Variants in MTSS1 observed in about 807,000 individuals in gnomAD.
MTSS1 encodes MTSS I-BAR domain containing 1, also known as protein MTSS 1.
MTSS1 carries 18 observed loss-of-function variants against 79.0 expected under a neutral mutation model. That is an observed-to-expected ratio of 0.23 (90% CI 0.16 to 0.34). The LOEUF is 0.34. MTSS1 is among the 10% of genes least tolerant of loss of function. The pLI, the probability that MTSS1 is intolerant of heterozygous loss-of-function variation, is 1.00. For synonymous variants in MTSS1, 341 were observed against 368.6 expected (o/e 0.93, Z 0.86); for missense variants, 815 against 986.2 (o/e 0.83, Z 2.33).
chr8:124,596,877 C>T (rs1195828141), intron 3 of MTSS1, among the ~76,000 whole-genome samples: 2 of 152,054 alleles, frequency 1.3e-5, no homozygotes, highest in East Asian at 3.9e-4. Flanking sequence ...GAAGGCATTC[C>T]TGTGTGTGTG....
chr8:124,563,052 G>T (rs1160140671), intron 9 of MTSS1, 60 bp from the exon 10 acceptor site: 6 of 1,430,790 alleles, frequency 4.2e-6, no homozygotes, highest in Non-Finnish European at 5.7e-6. Flanking sequence ...GGGAGCAGTG[G>T]TAAGAGGAAG....
intron 3 of MTSS1, among the ~76,000 whole-genome samples, chr8:124,688,363 C>T (rs146485462): frequency 8.8e-5 from 13 of 147,634 alleles, no homozygotes; most frequent in African/African-American, 2.5e-4. Flanking sequence ...GTGTGTTGTA[C>T]GTGTGTACAT....
intron 5 of MTSS1, among the ~76,000 whole-genome samples, chr8:124,587,736 C>T (rs1831122282): frequency 6.6e-6 from 1 of 152,094 alleles, no homozygotes; most frequent in Admixed American, 6.5e-5. Flanking sequence ...AACTCCTGAC[C>T]TCAAGTGATC....
rs1246276140 is a variant in MTSS1, at chr8:124,683,280, G to GA, written c.208+16245dup. 6.6e-6 allele frequency among the ~76,000 whole-genome samples: 1 copy of GA among 151,934 alleles called. No individual in the cohort carries two copies. Among genetic ancestry groups the GA allele is most frequent in the Non-Finnish European group, 1.5e-5 (1 of 67,982 alleles). On this transcript the variant is annotated intron_variant, in intron 3 of 13. Coordinates refer to ENST00000518547, the MANE Select transcript of MTSS1 (RefSeq NM_014751.6). The surrounding 1 kb of genome is among the most constrained non-coding windows in gnomAD (Gnocchi z 4.5). ...AAAAAATGAAATTTAAAAAATGGAAGAAAAACAATGACCCCAAAATCCTCA... is the reference window on the plus strand; with the variant it reads ...AAAAAATGAAATTTAAAAAATGGAAGAAAAAACAATGACCCCAAAATCCTCA...
At chr8:124,689,238 T>C (rs1335357051) in intron 3 of MTSS1, among the ~76,000 whole-genome samples, 20 of 152,212 alleles carry the variant, frequency 1.3e-4, no homozygotes, top group Admixed American at 1.3e-3. Context: ...GCGTGTTTTC[T>C]AGCTGAGACT....
At chr8:124,688,651 A>G (rs1366457070) in intron 3 of MTSS1, among the ~76,000 whole-genome samples, 2 of 152,220 alleles carry the variant, frequency 1.3e-5, no homozygotes, top group East Asian at 3.8e-4. Flanking sequence ...TTATTAACAA[A>G]CAAGCAAACC....
intron 6 of MTSS1, among the ~76,000 whole-genome samples, chr8:124,575,255 A>T (rs1173580970): frequency 6.6e-6 from 1 of 152,204 alleles, no homozygotes; most frequent in Non-Finnish European, 1.5e-5. Flanking sequence ...ACCCGAAATC[A>T]AAAGATAGAT....
intron 3 of MTSS1, among the ~76,000 whole-genome samples, chr8:124,601,740 T>C (rs2133011226): frequency 6.6e-6 from 1 of 152,324 alleles, no homozygotes; most frequent in South Asian, 2.1e-4. Context: ...GTACACCATC[T>C]GCTGCCCCGG....
intron 3 of MTSS1, among the ~76,000 whole-genome samples, chr8:124,691,458 A>C (rs1218369298): frequency 6.6e-6 from 1 of 152,236 alleles, no homozygotes; most frequent in Non-Finnish European, 1.5e-5. Context: ...ATGGATACAC[A>C]TACGTACATA....
At chr8:124,711,742 C>T (rs1831195953) in intron 1 of MTSS1, among the ~76,000 whole-genome samples, 1 of 152,170 alleles carries the variant, frequency 6.6e-6, no homozygotes, top group Admixed American at 6.5e-5. Flanking sequence ...CGCAGTGCCT[C>T]ACTCCTATAA....
rs569304423 is a variant in MTSS1 at position 124,597,858 on chromosome 8, A to G, written c.209-6623T>C. On this transcript the variant is annotated intron_variant, in intron 3 of 13. Coordinates refer to ENST00000518547, the MANE Select transcript of MTSS1 (RefSeq NM_014751.6). The surrounding 1 kb of genome is among the most constrained non-coding windows in gnomAD (Gnocchi z 4.6). ...TAGGAGCCAGACAGAACCAGAGGAG[A>G]GGAGAACGCTCTCAGGCATCTCTGC... is the stretch of plus-strand genomic sequence containing the variant. Among the ~76,000 whole-genome samples the G allele has an allele frequency of 1.1e-3, 175 of 152,276 alleles. No individual in the cohort carries two copies. Among genetic ancestry groups the G allele is most frequent in the African/African-American group, 4.1e-3 (170 of 41,562 alleles).
At position 124,553,427 on chromosome 8, in the gene MTSS1, G is replaced by T; in HGVS notation, c.1833C>A (p.Ile611=). 1 of 1,607,056 alleles carries T rather than the reference G, an allele frequency of 6.2e-7. No homozygotes were observed. The highest frequency in any genetic ancestry group is 8.5e-7 in the Non-Finnish European group (1 of 1,175,210). ...RGTIGAGPIP[I]KTPVIPVKTP... is the part of the protein sequence containing the mutation. ...TCTTGACAGGGATCACGGGTGTCTT[G>T]ATGGGGATGGGACCAGCTCCAATGG... The change falls in exon 14 of 14, where the codon ATC becomes ATA. Residue 611 remains isoleucine, a synonymous_variant. Coordinates refer to ENST00000518547, the MANE Select transcript of MTSS1 (RefSeq NM_014751.6). The surrounding 1 kb of genome is among the most constrained non-coding windows in gnomAD (Gnocchi z 6.0).
In MTSS1 at chr8:124,683,540, C is replaced by T. The variant is rs1175332552; in HGVS notation, c.208+15986G>A. Among the ~76,000 whole-genome samples the T allele has an allele frequency of 6.6e-6, 1 of 152,212 alleles. No homozygotes were observed. Among genetic ancestry groups the T allele is most frequent in the Non-Finnish European group, 1.5e-5 (1 of 68,040 alleles). Reference sequence around the variant, plus strand: ...ACAGGTGTCTCTCCAGACTAGAAAACCTCAACTGGAGGCCAGAGGTGGGAC... The same window carrying T: ...ACAGGTGTCTCTCCAGACTAGAAAATCTCAACTGGAGGCCAGAGGTGGGAC... On this transcript the variant is annotated intron_variant, in intron 3 of 13. Transcript: ENST00000518547. The surrounding 1 kb of genome is among the most constrained non-coding windows in gnomAD (Gnocchi z 4.5).
rs1004304571 is a variant in MTSS1, at chr8:124,727,723, G to C, written c.72+161C>G. ...GTGACCCCGCAGAGCCCGGAGCAGCGCCCCGGGTGAGCAGGTGACACTCCG... is the reference window on the plus strand; with the variant it reads ...GTGACCCCGCAGAGCCCGGAGCAGCCCCCCGGGTGAGCAGGTGACACTCCG... On this transcript the variant is annotated intron_variant, in intron 1 of 13. Coordinates refer to ENST00000518547, the MANE Select transcript of MTSS1 (RefSeq NM_014751.6). The surrounding 1 kb of genome is among the most constrained non-coding windows in gnomAD (Gnocchi z 4.7). The C allele has an allele frequency of 3.5e-5, 24 of 684,312 alleles. 1 individual carries two copies. In the East Asian group the frequency reaches 7.1e-4, roughly 20 times the overall value. The allele number at this position is 684,312 out of a possible 1,614,324, so 42.4% of individuals were successfully genotyped here.
At chr8:124,568,090 G>T in intron 7 of MTSS1, 1 of 766,388 alleles carries the variant, frequency 1.3e-6, no homozygotes, top group South Asian at 2.7e-5. Flanking sequence ...TTTCTAGCCA[G>T]TTCCCACGTG....
At chr8:124,647,378 G>A (rs1292441448) in intron 3 of MTSS1, among the ~76,000 whole-genome samples, 1 of 152,062 alleles carries the variant, frequency 6.6e-6, no homozygotes, top group African/African-American at 2.4e-5. Context: ...AAATTGTTAT[G>A]TGTTAACAGT....
intron 3 of MTSS1, among the ~76,000 whole-genome samples, chr8:124,672,513 G>A (rs1455179350): frequency 6.6e-6 from 1 of 151,534 alleles, no homozygotes; most frequent in African/African-American, 2.4e-5. Context: ...AAAGAAAAAT[G>A]GGAAGGAAAG....
intron 3 of MTSS1, among the ~76,000 whole-genome samples, chr8:124,695,428 T>TA (rs1216231417): frequency 6.6e-6 from 1 of 152,174 alleles, no homozygotes; most frequent in African/African-American, 2.4e-5. Context: ...CAAACTCTGT[T>TA]AGAGTCACGG....
intron 3 of MTSS1, among the ~76,000 whole-genome samples, chr8:124,677,414 C>G (rs557059681): frequency 6.6e-6 from 1 of 152,172 alleles, no homozygotes; most frequent in Non-Finnish European, 1.5e-5. Context: ...CTCACCTATG[C>G]CACTGTAGCA....
Sources: allele counts gnomAD v4.1 joint callset (sites outside exome capture counted in the v4.1 genomes callset), GRCh38; gene constraint gnomAD v4.1.1; non-coding constraint Gnocchi (gnomAD v3.1); transcripts MANE v1.5; gene names NCBI Gene and HGNC (gene_info 2026-07-23, HGNC 2026-07-21).